The following P3H1 variants were observed in gnomAD, a reference collection of about 807,000 sequenced individuals.
P3H1 encodes prolyl 3-hydroxylase 1, also known as growth suppressor 1.
Under a neutral mutation model 84.0 loss-of-function variants are expected in P3H1, and 69 were observed. That is an observed-to-expected ratio of 0.82 (90% CI 0.68 to 1.00). The LOEUF (loss-of-function observed/expected upper bound fraction) is 1.00, where lower values mean the gene tolerates loss of function less well. Ranked by LOEUF, P3H1 falls within the 50% of genes least tolerant of loss-of-function variation. The pLI, the probability that P3H1 is intolerant of heterozygous loss-of-function variation, is 0.00. For synonymous variants in P3H1, 366 were observed against 388.8 expected, an observed-to-expected ratio of 0.94 and a Z score of 0.69; for missense variants, 878 against 962.8, an observed-to-expected ratio of 0.91 and a Z score of 1.17.
chr1:42,751,698 T>C (rs1488608820), intron 10 of P3H1: 4 of 170,286 alleles, frequency 2.3e-5, no homozygotes, highest in Non-Finnish European at 5.0e-5. Context: ...TTGCTCCTCT[T>C]TGCCTTCCAC....
Position 42,766,711 on chromosome 1 carries a change from C to A in P3H1, c.261G>T (p.Leu87=). 1.9e-6 allele frequency: 3 copies of A among 1,550,114 alleles called. No homozygotes were observed. Among genetic ancestry groups the A allele is most frequent in the Non-Finnish European group, 2.6e-6 (3 of 1,147,654 alleles). The part of the protein sequence containing the change: ...TQCAADFPWE[L]DPDWSPSPAQ... Reference sequence around the variant, plus strand: ...CCGGGCTGGGGGACCAGTCGGGGTCCAGCTCCCACGGGAAGTCGGCGGCAC... The same window carrying A: ...CCGGGCTGGGGGACCAGTCGGGGTCAAGCTCCCACGGGAAGTCGGCGGCAC... Residue 87 remains leucine (L), a synonymous_variant, in exon 1 of 15, where the codon CTG becomes CTT. Transcript: ENST00000296388.
At chr1:42,763,832 T>C (rs182099670) in intron 1 of P3H1, among the ~76,000 whole-genome samples, 1 of 151,970 alleles carries the variant, frequency 6.6e-6, no homozygotes, top group Non-Finnish European at 1.5e-5. Context: ...TAATTAACTA[T>C]GTGGACACTG....
At position 42,755,565 on chromosome 1, in the gene P3H1, T is replaced by C. The variant is rs1170154184; in HGVS notation, c.1153A>G (p.Ile385Val). 2 of 1,613,966 alleles carry C rather than the reference T, an allele frequency of 1.2e-6. No homozygotes were observed. Among genetic ancestry groups the C allele is most frequent in the East Asian group, 2.2e-5 (1 of 44,884 alleles). The change falls in exon 6 of 15, where the codon ATT (isoleucine) becomes GTT (valine). Residue 385 changes from isoleucine to valine, a missense_variant. Transcript: ENST00000296388. ...TAGCTCACCGGATCCACAAAGGGAA[T>C]TCCAAAAACATCATAAGCGAAGAAA... ...LLFFAYDVFG[I>V]PFVDPDSWTP...
chr1:42,755,734 G>T, intron 5 of P3H1, 97 bp from the exon 6 acceptor site: 1 of 852,848 alleles, frequency 1.2e-6, no homozygotes, highest in Non-Finnish European at 2.0e-6. Flanking sequence ...ATGCTCCCAT[G>T]TGACCTGAGG....
chr1:42,756,608 AG>A (rs1351978417), intron 5 of P3H1, among the ~76,000 whole-genome samples: 1 of 152,222 alleles, frequency 6.6e-6, no homozygotes. Context: ...TTTTCTCTTC[AG>A]GAGTTTACAT....
At position 42,748,229 on chromosome 1, in the gene P3H1, C is replaced by A. The variant is rs777910917; in HGVS notation, c.1809G>T (p.Glu603Asp). Residue 603 changes from glutamate to aspartate, a missense_variant, in exon 12 of 15, where the codon GAG becomes GAT. Physicochemically the swap from Glu to Asp is conservative, Grantham distance 45. Coordinates refer to ENST00000296388, the MANE Select transcript of P3H1 (RefSeq NM_022356.4). Reference protein sequence around the residue: ...LNAETLVCVKEPPAYTFRDYS... With the variant: ...LNAETLVCVKDPPAYTFRDYS... The stretch of plus-strand genomic sequence containing the variant: ...AGTCGCGGAAGGTGTAGGCTGGGGG[C>A]TCTTTGACACACACGAGGGTCTCGG... The A allele has an allele frequency of 1.9e-6, 3 of 1,613,906 alleles. No individual in the cohort carries two copies. Among genetic ancestry groups the A allele is most frequent in the Middle Eastern group, 1.6e-4 (1 of 6,062 alleles).
At chr1:42,755,660 A>G (rs777279574) in intron 5 of P3H1, 23 bp from the exon 6 acceptor site, 1 of 1,569,468 alleles carries the variant, frequency 6.4e-7, no homozygotes, top group Non-Finnish European at 8.8e-7. Context: ...AAGCAAACAA[A>G]TCCCCCAGAA....
Position 42,759,370 on chromosome 1 carries a change from C to T in P3H1, c.639G>A (p.Val213=). 1 of 1,614,194 alleles carries T rather than the reference C, an allele frequency of 6.2e-7. No homozygotes were observed. Among genetic ancestry groups the T allele is most frequent in the Non-Finnish European group, 8.5e-7 (1 of 1,180,034 alleles). ...QPHMQEFRLG[V]RLYSEEQPQE... is the part of the protein sequence containing the mutation. ...GTGGCTGTTCCTCTGAGTAGAGTCGCACTCCCAGTCGAAATTCTTGCTACT... is the reference window on the plus strand; with the variant it reads ...GTGGCTGTTCCTCTGAGTAGAGTCGTACTCCCAGTCGAAATTCTTGCTACT... Residue 213 remains valine (V), a synonymous_variant, in exon 3 of 15, where the codon GTG becomes GTA. Coordinates refer to ENST00000296388, the MANE Select transcript of P3H1 (RefSeq NM_022356.4).
Position 42,747,271 on chromosome 1 carries a change from C to G in P3H1, c.2055+1G>C. On this transcript the variant is annotated splice_donor_variant, in intron 14 of 14. Coordinates refer to ENST00000296388, the MANE Select transcript of P3H1 (RefSeq NM_022356.4). LOFTEE classifies it high-confidence loss of function. ...CTCTCACCCGCTCGAGCTGCTCTCACCCGCTCGCTGTGTCGAGGGTCCAGG... is the reference window on the plus strand; with the variant it reads ...CTCTCACCCGCTCGAGCTGCTCTCAGCCGCTCGCTGTGTCGAGGGTCCAGG... The G allele has an allele frequency of 6.2e-7, 1 of 1,613,862 alleles. No individual in the cohort carries two copies. Among genetic ancestry groups the G allele is most frequent in the Non-Finnish European group, 8.5e-7 (1 of 1,179,822 alleles).
chr1:42,752,331 G>T lies in P3H1; in HGVS notation c.1512C>A (p.Thr504=), dbSNP rs760522777. 6.2e-7 allele frequency: 1 copy of T among 1,614,142 alleles called. No homozygotes were observed. Among genetic ancestry groups the T allele is most frequent in the Non-Finnish European group, 8.5e-7 (1 of 1,180,032 alleles). Residue 504 remains threonine, a synonymous_variant, in exon 10 of 15, where the codon ACC becomes ACA. Transcript: ENST00000296388. Reference sequence around the variant, plus strand: ...ACTTTTCATTGGGAGTATGTGGGGAGGTCTGACCCCGGTAGCCATCTCCTG... The same window carrying T: ...ACTTTTCATTGGGAGTATGTGGGGATGTCTGACCCCGGTAGCCATCTCCTG... The part of the protein sequence containing the change: ...ATSGDGYRGQ[T]SPHTPNEKFY...
At chr1:42,764,942 A>C (rs1652913513) in intron 1 of P3H1, among the ~76,000 whole-genome samples, 1 of 151,616 alleles carries the variant, frequency 6.6e-6, no homozygotes, top group African/African-American at 2.4e-5. Context: ...AGCCTTCTTT[A>C]CTCTCTAAGC....
At chr1:42,755,790 C>T (rs1337087666) in intron 5 of P3H1, among the ~76,000 whole-genome samples, 153 bp from the exon 6 acceptor site, 1 of 152,058 alleles carries the variant, frequency 6.6e-6, no homozygotes, top group African/African-American at 2.4e-5. Flanking sequence ...CAGTTTGAGA[C>T]AAAAGTCTAA....
At chr1:42,756,781 C>A (rs897300429) in intron 5 of P3H1, among the ~76,000 whole-genome samples, 1 of 152,190 alleles carries the variant, frequency 6.6e-6, no homozygotes, top group South Asian at 2.1e-4. Flanking sequence ...TGGGTCCAAG[C>A]AGGGAACAGA....
At chr1:42,750,413 T>C (rs1651971396) in intron 10 of P3H1, 77 bp from the exon 11 acceptor site, 7 of 1,525,838 alleles carry the variant, frequency 4.6e-6, no homozygotes, top group African/African-American at 1.4e-5. Context: ...AAATCTTATC[T>C]TGTAGTTCCC....
In P3H1 at chr1:42,750,328, T is replaced by C; in HGVS notation, c.1578A>G (p.Gln526=). Residue 526 remains glutamine (Q), a synonymous_variant, in exon 11 of 15, where the codon CAA becomes CAG. Coordinates refer to ENST00000296388, the MANE Select transcript of P3H1 (RefSeq NM_022356.4). ...CACTCTGCAGAGGAACTTTGCCTTC[T>C]TGCCCCAGCTGCCAAGGAGACAGAT... ...VTVFKALKLG[Q]EGKVPLQSAH... is the part of the protein sequence containing the mutation. 1 of 1,614,058 alleles carries C rather than the reference T, an allele frequency of 6.2e-7. No individual in the cohort carries two copies. The highest frequency in any genetic ancestry group is 8.5e-7 in the Non-Finnish European group (1 of 1,180,020).
At chr1:42,762,909 T>A (rs567564381) in intron 1 of P3H1, among the ~76,000 whole-genome samples, 1 of 152,142 alleles carries the variant, frequency 6.6e-6, no homozygotes, top group East Asian at 1.9e-4. Flanking sequence ...CTGGGCAACA[T>A]GGTGAAACCC....
chr1:42,750,074 TCC>T, intron 11 of P3H1, 110 bp downstream of exon 11: 1 of 1,295,890 alleles, frequency 7.7e-7, no homozygotes, highest in Non-Finnish European at 1.1e-6. Context: ...TTACATTGGT[TCC>T]CCAACTGAAG....
In P3H1 at chr1:42,759,151, T is replaced by C. The variant is rs184228392; in HGVS notation, c.808+50A>G. On this transcript the variant is annotated intron_variant, in intron 3 of 14. Transcript: ENST00000296388. ...CCATTTATATTATCAGATGGTGACC[T>C]TAGAGTCCCAGGAGGCCTGGCTGAA... The C allele has an allele frequency of 2.4e-4, 385 of 1,598,626 alleles. 1 individual carries two copies. The African/African-American group carries it at 4.6e-3, about 19-fold the overall frequency.
intron 8 of P3H1, 144 bp from the exon 9 acceptor site, chr1:42,752,808 G>T: frequency 9.5e-7 from 1 of 1,047,548 alleles, no homozygotes; most frequent in Non-Finnish European, 1.4e-6. Context: ...CATTTTCAAA[G>T]GTAGAATAGT....
Sources: gnomAD v4.1 joint callset for allele counts (sites outside exome capture counted in the v4.1 genomes callset) on GRCh38, gnomAD v4.1.1 for gene constraint, MANE v1.5 for transcripts, NCBI Gene and HGNC (gene_info 2026-07-23, HGNC 2026-07-21) for gene names.